Variants in MARCHF1 observed in about 807,000 individuals in gnomAD.
MARCHF1 encodes the protein membrane associated ring-CH-type finger 1.
In MARCHF1, 40 loss-of-function variants were observed where a neutral mutation model predicts 54.2. The observed-to-expected ratio is 0.74, with a 90% CI of 0.57 to 0.96. The LOEUF is 0.96. Ranked by LOEUF, MARCHF1 falls within the 40% of genes least tolerant of loss-of-function variation. MARCHF1 has a pLI of 0.00. For synonymous variants in MARCHF1, 236 were observed against 236.3 expected (o/e 1.00, Z 0.01); for missense variants, 586 against 656.5 (o/e 0.89, Z 1.17).
At chr4:164,359,251 T>G (rs1331627407) in intron 1 of MARCHF1, among the ~76,000 whole-genome samples, 1 of 152,206 alleles carries the variant, frequency 6.6e-6, no homozygotes, top group East Asian at 1.9e-4. Flanking sequence ...TGAGAGATAG[T>G]TCTCTATTCA....
chr4:163,906,733 A>G (rs1201198940), intron 3 of MARCHF1, among the ~76,000 whole-genome samples: 1 of 151,914 alleles, frequency 6.6e-6, no homozygotes, highest in African/African-American at 2.4e-5. Flanking sequence ...AAAAAAAAAG[A>G]AAAAACTGGT....
At chr4:163,661,022 GT>G (rs1743327313) in intron 5 of MARCHF1, among the ~76,000 whole-genome samples, 1 of 151,768 alleles carries the variant, frequency 6.6e-6, no homozygotes, top group Non-Finnish European at 1.5e-5. Context: ...GATAATCTTG[GT>G]TGTATTATCA....
At chr4:163,986,414 A>G (rs572268752) in intron 3 of MARCHF1, among the ~76,000 whole-genome samples, 33 of 151,316 alleles carry the variant, frequency 2.2e-4, no homozygotes, top group Admixed American at 7.2e-4. Context: ...ACAGGTGCCC[A>G]CCACCACACC....
At chr4:163,606,521 A>G (rs188894048) in intron 7 of MARCHF1, among the ~76,000 whole-genome samples, 2 of 152,192 alleles carry the variant, frequency 1.3e-5, no homozygotes, top group East Asian at 3.9e-4. Flanking sequence ...TGTGGACCAG[A>G]CTAGCTTAGA....
intron 4 of MARCHF1, among the ~76,000 whole-genome samples, chr4:163,741,033 CT>C (rs1361175233): frequency 6.6e-6 from 1 of 152,126 alleles, no homozygotes; most frequent in Non-Finnish European, 1.5e-5. Context: ...CTATGTGGCT[CT>C]TTTGTCTACT....
intron 1 of MARCHF1, among the ~76,000 whole-genome samples, chr4:164,257,256 G>C (rs1733314068): frequency 6.6e-6 from 1 of 151,930 alleles, no homozygotes; most frequent in South Asian, 2.1e-4. Flanking sequence ...TCTACACCTA[G>C]GTTCATCTAT....
chr4:163,643,123 G>C (rs1297111256), intron 5 of MARCHF1, among the ~76,000 whole-genome samples: 1 of 147,120 alleles, frequency 6.8e-6, no homozygotes, highest in Non-Finnish European at 1.5e-5. Flanking sequence ...GACCAGCCTG[G>C]CCAACATGGT....
At chr4:163,776,656 G>A (rs1747314378) in intron 4 of MARCHF1, among the ~76,000 whole-genome samples, 2 of 152,038 alleles carry the variant, frequency 1.3e-5, no homozygotes, top group African/African-American at 4.8e-5. Flanking sequence ...GGGGCTGACT[G>A]TTTTTCACAC....
rs867026279 is a variant in MARCHF1 at position 163,894,914 on chromosome 4, T to C, written c.-38-40745A>G. ...TATATATGCATGTGATGCATATATA[T>C]ATATATGCATGTGATGCATATATAT... On this transcript the variant is annotated intron_variant, in intron 3 of 9. Transcript: ENST00000514618. 3.7e-4 allele frequency among the ~76,000 whole-genome samples: 20 copies of C among 53,468 alleles called. 3 individuals are homozygous for C. Among genetic ancestry groups the C allele is most frequent in the African/African-American group, 7.4e-4 (14 of 18,922 alleles). The allele number at this position is 53,468 out of a possible 152,430, so 35.1% of individuals were successfully genotyped here. A position where few individuals can be genotyped will look rare whatever the true frequency, so the allele number is the denominator to read the frequency against.
chr4:163,819,034 C>T (rs1030657171), intron 4 of MARCHF1, among the ~76,000 whole-genome samples: 6 of 152,084 alleles, frequency 3.9e-5, no homozygotes, highest in African/African-American at 1.4e-4. Flanking sequence ...CTTAATGATC[C>T]ATCATCAGCA....
At chr4:164,375,213 C>A (rs1189321922) in intron 1 of MARCHF1, among the ~76,000 whole-genome samples, 3 of 151,978 alleles carry the variant, frequency 2.0e-5, no homozygotes, top group Admixed American at 1.3e-4. Context: ...ATCTAATAGA[C>A]CTTTGTGTGT....
intron 1 of MARCHF1, among the ~76,000 whole-genome samples, chr4:164,268,953 C>T (rs868268392): frequency 6.6e-6 from 1 of 152,252 alleles, no homozygotes; most frequent in Middle Eastern, 3.4e-3. Context: ...TTCTGAGAAG[C>T]TTGAGATGTC....
intron 9 of MARCHF1, chr4:163,529,985 G>C (rs985133935): frequency 1.6e-4 from 25 of 151,996 alleles, no homozygotes; most frequent in African/African-American, 5.8e-4. Flanking sequence ...CAGTGCACCA[G>C]GAAGGGATGG....
chr4:164,346,275 G>A (rs1730093631), intron 1 of MARCHF1, among the ~76,000 whole-genome samples: 1 of 151,940 alleles, frequency 6.6e-6, no homozygotes, highest in South Asian at 2.1e-4. Flanking sequence ...AGGACATACT[G>A]GCATAACTAG....
intron 3 of MARCHF1, among the ~76,000 whole-genome samples, chr4:163,937,393 TC>T (rs1182016914): frequency 6.6e-6 from 1 of 152,092 alleles, no homozygotes; most frequent in Non-Finnish European, 1.5e-5. Flanking sequence ...ATTATCAATG[TC>T]ATATGTCTTT....
At chr4:163,850,715 A>G (rs1266289361) in intron 4 of MARCHF1, among the ~76,000 whole-genome samples, 1 of 152,206 alleles carries the variant, frequency 6.6e-6, no homozygotes, top group Non-Finnish European at 1.5e-5. Context: ...TCTTGGCAAA[A>G]CTGCTGTTTG....
chr4:163,802,686 C>T (rs1228056466), intron 4 of MARCHF1, among the ~76,000 whole-genome samples: 1 of 152,204 alleles, frequency 6.6e-6, no homozygotes, highest in Non-Finnish European at 1.5e-5. Context: ...ACCAAAATTT[C>T]ACTTGACTGG....
chr4:164,340,435 A>ATATATATATATATATATATAT (rs1729888427), intron 1 of MARCHF1, among the ~76,000 whole-genome samples: 1 of 136,338 alleles, frequency 7.3e-6, no homozygotes, highest in Non-Finnish European at 1.6e-5. Context: ...ATATATATAT[A>ATATATATATATATATATATAT]GTTTGTTTGT....
At chr4:163,821,448 A>G (rs907674371) in intron 4 of MARCHF1, among the ~76,000 whole-genome samples, 9 of 152,012 alleles carry the variant, frequency 5.9e-5, no homozygotes, top group African/African-American at 2.2e-4. Context: ...AATATTTGTA[A>G]AACATTAAAG....
Sources: allele counts gnomAD v4.1 joint callset (sites outside exome capture counted in the v4.1 genomes callset), GRCh38; gene constraint gnomAD v4.1.1; transcripts MANE v1.5; gene names NCBI Gene and HGNC (gene_info 2026-07-23, HGNC 2026-07-21).